The following ZFAND6 variants were observed in gnomAD, a reference collection of about 807,000 sequenced individuals.
The protein encoded by ZFAND6 is AN1-type zinc finger protein 6.
ZFAND6 carries 12 observed loss-of-function variants against 24.5 expected under a neutral mutation model. The ratio of observed to expected loss-of-function variants is 0.49; its 90% confidence interval spans 0.31 to 0.79. ZFAND6 has a LOEUF of 0.79. Among genes scored for constraint, ZFAND6 ranks in the 30% least tolerant of loss-of-function variants. The pLI, the probability that ZFAND6 is intolerant of heterozygous loss-of-function variation, is 0.04. For synonymous variants in ZFAND6, 92 were observed against 81.5 expected (o/e 1.13, Z -0.69); for missense variants, 207 against 245.9 (o/e 0.84, Z 1.06).
intron 1 of ZFAND6, among the ~76,000 whole-genome samples, chr15:80,067,984 C>T (rs757487416): frequency 6.6e-6 from 1 of 151,900 alleles, no homozygotes; most frequent in Admixed American, 6.6e-5. Context: ...TTTCTTGAGA[C>T]GGAATCTTAC....
chr15:80,071,770 A>G (rs2036992187), intron 1 of ZFAND6, among the ~76,000 whole-genome samples: 1 of 151,798 alleles, frequency 6.6e-6, no homozygotes, highest in South Asian at 2.1e-4. Context: ...GATGAAAAAG[A>G]CTTAAACTTT....
At chr15:80,134,574 T>C (rs1462267195) in intron 6 of ZFAND6, among the ~76,000 whole-genome samples, 1 of 152,140 alleles carries the variant, frequency 6.6e-6, no homozygotes, top group East Asian at 1.9e-4. Context: ...AACAACAAAT[T>C]TTTGCAGGAG....
At chr15:80,121,644 T>G in intron 3 of ZFAND6, 68 bp from the exon 4 acceptor site, 1 of 1,351,502 alleles carries the variant, frequency 7.4e-7, no homozygotes. Context: ...GGATTTTGAT[T>G]TTTTTAGATA....
In ZFAND6 at chr15:80,122,732, C is replaced by T. The variant is rs200534739; in HGVS notation, c.296C>T (p.Ser99Phe). ...PVSNQSLLSE[S>F]VASSQLDSTS... ...TCAAATCAGTCACTTTTATCAGAAT[C>T]TGTAGCATCTTCTCAATTGGACAGT... The change falls in exon 5 of 7, where the codon TCT (serine) becomes TTT (phenylalanine). Residue 99 changes from serine to phenylalanine, a missense_variant. Physicochemically the swap from Ser to Phe is radical, Grantham distance 155. Coordinates refer to ENST00000261749, the MANE Select transcript of ZFAND6 (RefSeq NM_019006.4). 7.1e-5 allele frequency: 115 copies of T among 1,613,550 alleles called. No homozygotes were observed. The highest frequency in any genetic ancestry group is 9.2e-5 in the Non-Finnish European group (108 of 1,179,796).
chr15:80,122,883 C>G, intron 5 of ZFAND6, 83 bp downstream of exon 5: 1 of 1,046,368 alleles, frequency 9.6e-7, no homozygotes. Context: ...AAAAAAATTG[C>G]CAGCTTAAAA....
chr15:80,127,309 C>T (rs866190649), intron 5 of ZFAND6, among the ~76,000 whole-genome samples: 56 of 151,864 alleles, frequency 3.7e-4, no homozygotes, highest in African/African-American at 1.3e-3. Flanking sequence ...TCAACAGGGC[C>T]GGGTGCGGTG....
At chr15:80,132,264 A>G (rs34457712) in intron 6 of ZFAND6, among the ~76,000 whole-genome samples, 5,074 of 152,282 alleles carry the variant, frequency 0.033, 114 homozygotes, top group South Asian at 0.075. Context: ...CTAGAAATAT[A>G]TTTTTTTAAT....
intron 5 of ZFAND6, among the ~76,000 whole-genome samples, chr15:80,124,390 G>A (rs150181240): frequency 0.05 from 7,519 of 151,208 alleles, 328 homozygotes; most frequent in East Asian, 0.24. Flanking sequence ...CCGAGATGGC[G>A]CCACTGCACT....
intron 1 of ZFAND6, chr15:80,073,270 A>G (rs1205706964): frequency 6.4e-6 from 2 of 314,336 alleles, no homozygotes. Flanking sequence ...TCAAAGGTGG[A>G]GATAAGTAAT....
intron 2 of ZFAND6, among the ~76,000 whole-genome samples, chr15:80,105,671 T>C (rs74739225): frequency 0.012 from 1,847 of 152,320 alleles, 31 homozygotes; most frequent in African/African-American, 0.042. Flanking sequence ...AAGTAGGAAG[T>C]TTATATTCAC....
At chr15:80,106,152 G>T (rs2039313295) in intron 2 of ZFAND6, among the ~76,000 whole-genome samples, 1 of 152,150 alleles carries the variant, frequency 6.6e-6, no homozygotes. Context: ...CTTGAACAAA[G>T]AGCTATGACA....
chr15:80,133,809 T>C (rs1414158851), intron 6 of ZFAND6, among the ~76,000 whole-genome samples: 1 of 152,162 alleles, frequency 6.6e-6, no homozygotes, highest in Non-Finnish European at 1.5e-5. Context: ...CCATTACCTA[T>C]AAAGCTGCTA....
In ZFAND6 at chr15:80,077,697, C is replaced by CTTTTTT. The variant is rs11441423; in HGVS notation, c.-181+17902_-181+17907dup. On this transcript the variant is annotated intron_variant, in intron 1 of 6. Coordinates refer to ENST00000261749, the MANE Select transcript of ZFAND6 (RefSeq NM_019006.4). Reference sequence around the variant, plus strand: ...GTAAGAATAGGAGTGAGTTTTCTTTCTTTTTTTTTTTTTTTTTTTGGAGAC... The same window carrying CTTTTTT: ...GTAAGAATAGGAGTGAGTTTTCTTTCTTTTTTTTTTTTTTTTTTTTTTTTTGGAGAC... Among the ~76,000 whole-genome samples the CTTTTTT allele has an allele frequency of 5.4e-3, 623 of 115,132 alleles. 5 individuals are homozygous for CTTTTTT. The highest frequency in any genetic ancestry group is 7.7e-3 in the Non-Finnish European group (447 of 58,334). 75.5% of individuals were successfully genotyped at this position (115,132 alleles called of 152,430 possible).
At chr15:80,112,920 CT>C (rs1213296747) in intron 2 of ZFAND6, 2 of 452,836 alleles carry the variant, frequency 4.4e-6, no homozygotes, top group African/African-American at 4.0e-5. Flanking sequence ...ATTTTGCACT[CT>C]TCTGGGATCC....
At chr15:80,110,197 C>T (rs1487704364) in intron 2 of ZFAND6, among the ~76,000 whole-genome samples, 1 of 152,106 alleles carries the variant, frequency 6.6e-6, no homozygotes, top group Non-Finnish European at 1.5e-5. Flanking sequence ...TCTCCCAGAC[C>T]AACACTGATA....
chr15:80,073,374 C>T (rs1379161422), intron 1 of ZFAND6: 6 of 284,886 alleles, frequency 2.1e-5, no homozygotes, highest in African/African-American at 4.6e-5. Context: ...ATTCTATTTA[C>T]ATTTCTTATT....
chr15:80,131,247 A>G lies in ZFAND6; in HGVS notation c.432A>G (p.Gln144=), dbSNP rs756140366. The G allele has an allele frequency of 7.4e-6, 12 of 1,612,980 alleles. No homozygotes were observed. Among genetic ancestry groups the G allele is most frequent in the Non-Finnish European group, 1.0e-5 (12 of 1,179,436 alleles). ...EQSKSLEKPK[Q]KKNRCFMCRK... ...GCAAGTCTCTTGAAAAACCGAAACA[A>G]AAAAAGAATCGCTGTTTCATGTGCA... The change falls in exon 6 of 7, where the codon CAA becomes CAG. Residue 144 remains glutamine (Q), a synonymous_variant. Transcript: ENST00000261749.
chr15:80,065,537 ATTTTTTTTTTT>A (rs149756891), intron 1 of ZFAND6, among the ~76,000 whole-genome samples: 27 of 76,510 alleles, frequency 3.5e-4, no homozygotes, highest in African/African-American at 9.0e-4. Context: ...TTTGGTTTTG[ATTTTTTTTTTT>A]TTTTTTTTTT....
intron 1 of ZFAND6, among the ~76,000 whole-genome samples, chr15:80,065,542 T>A: frequency 5.6e-5 from 2 of 35,740 alleles, no homozygotes; most frequent in Non-Finnish European, 1.9e-4. Flanking sequence ...TTTTGATTTT[T>A]TTTTTTTTTT....
Sources: allele counts gnomAD v4.1 joint callset (sites outside exome capture counted in the v4.1 genomes callset), GRCh38; gene constraint gnomAD v4.1.1; transcripts MANE v1.5; gene names NCBI Gene and HGNC (gene_info 2026-07-23, HGNC 2026-07-21).